TRIM23: variants seen among roughly 807,000 people sequenced by gnomAD.
TRIM23 encodes the protein tripartite motif containing 23, also known as E3 ubiquitin-protein ligase TRIM23.
TRIM23 carries 27 observed loss-of-function variants against 71.0 expected under a neutral mutation model. The observed-to-expected ratio is 0.38, with a 90% CI of 0.28 to 0.52. TRIM23 has a LOEUF of 0.52. Among genes scored for constraint, TRIM23 ranks in the 20% least tolerant of loss-of-function variants. TRIM23 has a pLI of 0.84. For synonymous variants in TRIM23, 234 were observed against 238.0 expected (o/e 0.98, Z 0.16); for missense variants, 482 against 692.3 (o/e 0.70, Z 3.41).
chr5:65,623,098 T>C lies in TRIM23; in HGVS notation c.81+1096A>G, dbSNP rs540333994. Among the ~76,000 whole-genome samples, 7 of 152,308 alleles carry C rather than the reference T, an allele frequency of 4.6e-5. No homozygotes were observed. In the East Asian group the frequency reaches 1.3e-3, roughly 29 times the overall value. ...TCATCTGAATCAACAACCACCAATA[T>C]TCACTGATACTAAATTGTGGGAAGA... On this transcript the variant is annotated intron_variant, in intron 1 of 10. Transcript: ENST00000231524.
At chr5:65,595,265 T>C (rs1460141840) in intron 9 of TRIM23, among the ~76,000 whole-genome samples, 1 of 151,476 alleles carries the variant, frequency 6.6e-6, no homozygotes, top group Non-Finnish European at 1.5e-5. Context: ...AATTAAAAAT[T>C]AGCTGAATGT....
At position 65,594,532 on chromosome 5, in the gene TRIM23, C is replaced by A; in HGVS notation, c.1534G>T (p.Ala512Ser). 6.2e-7 allele frequency: 1 copy of A among 1,606,454 alleles called. No homozygotes were observed. The highest frequency in any genetic ancestry group is 1.7e-5 in the Admixed American group (1 of 58,120). Reference protein sequence around the residue: ...ELRDALLLIFANKQDVAGALS... With the variant: ...ELRDALLLIFSNKQDVAGALS... ...TAAAAATGCATTACCTGTTTGTTAG[C>A]AAAAATCAGGAGCAGAGCATCTCGG... The change falls in exon 10 of 11, where the codon GCT becomes TCT. Residue 512 changes from alanine (A) to serine (S), a missense_variant. Coordinates refer to ENST00000231524, the MANE Select transcript of TRIM23 (RefSeq NM_001656.4).
chr5:65,621,129 G>A (rs192685494), intron 1 of TRIM23, among the ~76,000 whole-genome samples: 2 of 152,212 alleles, frequency 1.3e-5, no homozygotes, highest in Non-Finnish European at 2.9e-5. Context: ...AAGGCGGGCA[G>A]ATCACGAGGT....
chr5:65,614,037 G>T, intron 3 of TRIM23, 61 bp downstream of exon 3: 3 of 1,586,054 alleles, frequency 1.9e-6, no homozygotes, highest in Non-Finnish European at 2.6e-6. Context: ...TGCTAATAAT[G>T]GCATCTATTA....
In TRIM23 at chr5:65,611,880, C is replaced by T. The variant is rs1422882340; in HGVS notation, c.368G>A (p.Ser123Asn). Reference sequence around the variant, plus strand: ...TTCATCTTCATCACAACGAATGATGCTCTGATAAACAAAAAATTAATGCCT... The same window carrying T: ...TTCATCTTCATCACAACGAATGATGTTCTGATAAACAAAAAATTAATGCCT... ...AEESIGISGESIIRCDEDEAH... is the reference protein window; with the variant it reads ...AEESIGISGENIIRCDEDEAH... The change falls in exon 4 of 11, where the codon AGC becomes AAC. Residue 123 changes from serine (S) to asparagine (N), a missense_variant and splice_region_variant. Ser to Asn is a conservative substitution (Grantham distance 46). Transcript: ENST00000231524. The T allele has an allele frequency of 6.2e-7, 1 of 1,605,574 alleles. No homozygotes were observed. Among genetic ancestry groups the T allele is most frequent in the South Asian group, 1.1e-5 (1 of 90,714 alleles).
intron 4 of TRIM23, among the ~76,000 whole-genome samples, chr5:65,611,335 T>C (rs1417100246): frequency 6.6e-6 from 1 of 152,062 alleles, no homozygotes; most frequent in Non-Finnish European, 1.5e-5. Context: ...TGGTGCATTA[T>C]GAAAACATGC....
chr5:65,601,661 C>T (rs1331602249), intron 7 of TRIM23, among the ~76,000 whole-genome samples: 2 of 152,166 alleles, frequency 1.3e-5, no homozygotes, highest in Admixed American at 6.5e-5. Flanking sequence ...TTCTGCCCCT[C>T]GCCCCTCCAA....
At chr5:65,594,969 T>C (rs542479809) in intron 9 of TRIM23, among the ~76,000 whole-genome samples, 78 of 152,326 alleles carry the variant, frequency 5.1e-4, no homozygotes, top group African/African-American at 1.9e-3. Context: ...CCTCTACCTA[T>C]GGATGCTACT....
Position 65,594,518 on chromosome 5 carries a change from T to G in TRIM23, c.1545+3A>C, listed in dbSNP as rs1485218140. On this transcript the variant is annotated splice_donor_region_variant and intron_variant, in intron 10 of 10. Transcript: ENST00000231524. ...TAAATATTCCAATATAAAAATGCAT[T>G]ACCTGTTTGTTAGCAAAAATCAGGA... 6.2e-7 allele frequency: 1 copy of G among 1,600,168 alleles called. No homozygotes were observed. Among genetic ancestry groups the G allele is most frequent in the East Asian group, 2.2e-5 (1 of 44,764 alleles).
At chr5:65,592,455 G>A (rs1754069510) in intron 10 of TRIM23, among the ~76,000 whole-genome samples, 1 of 151,906 alleles carries the variant, frequency 6.6e-6, no homozygotes, top group African/African-American at 2.4e-5. Flanking sequence ...TCGAACTCCT[G>A]ACCTCAAGTG....
At chr5:65,619,715 TA>T (rs1754874524) in intron 1 of TRIM23, among the ~76,000 whole-genome samples, 1 of 152,134 alleles carries the variant, frequency 6.6e-6, no homozygotes, top group Admixed American at 6.5e-5. Context: ...ATAAGAAACA[TA>T]ACATTGTTCA....
At chr5:65,591,975 ATCAG>A in intron 10 of TRIM23, 27 bp from the exon 11 acceptor site, 1 of 1,561,066 alleles carries the variant, frequency 6.4e-7, no homozygotes, top group Non-Finnish European at 8.7e-7. Flanking sequence ...CATATTTTTT[ATCAG>A]TCCATCCAAA....
At chr5:65,599,893 G>C (rs2150625412) in intron 7 of TRIM23, among the ~76,000 whole-genome samples, 1 of 152,316 alleles carries the variant, frequency 6.6e-6, no homozygotes, top group South Asian at 2.1e-4. Context: ...AAATACCTGA[G>C]ACTGGGTAAT....
rs375182980 is a variant in TRIM23 at position 65,590,561 on chromosome 5, T to C, written c.*1208A>G. 9.5e-7 allele frequency: 1 copy of C among 1,049,384 alleles called. No homozygotes were observed. The highest frequency in any genetic ancestry group is 1.2e-6 in the Non-Finnish European group (1 of 856,324). 65.0% of individuals were successfully genotyped at this position (1,049,384 alleles called of 1,614,324 possible). On this transcript the variant is annotated 3_prime_UTR_variant, in exon 11 of 11. Transcript: ENST00000231524. ...TATCAGAACATTAAAAAAAAAAAAG[T>C]CTCAATGTACCTATTTAAATAAATC...
intron 7 of TRIM23, among the ~76,000 whole-genome samples, chr5:65,601,742 A>T (rs1471458057): frequency 2.0e-5 from 3 of 152,208 alleles, no homozygotes; most frequent in Admixed American, 6.5e-5. Flanking sequence ...ATCTAAGCAG[A>T]GGTTCCCAAA....
At chr5:65,614,578 T>C (rs152061) in intron 2 of TRIM23, among the ~76,000 whole-genome samples, 86,572 of 151,524 alleles carry the variant, frequency 0.57, 25,121 homozygotes, top group Non-Finnish European at 0.63. Context: ...CTACTAAAAA[T>C]ACAAAAATTA....
chr5:65,609,508 T>G, intron 5 of TRIM23, 50 bp from the exon 6 acceptor site: 3 of 1,538,656 alleles, frequency 1.9e-6, no homozygotes, highest in Non-Finnish European at 1.8e-6. Context: ...AATAAAGATT[T>G]TACCTGTGAA....
intron 1 of TRIM23, among the ~76,000 whole-genome samples, chr5:65,620,459 A>C (rs1001144166): frequency 6.6e-6 from 1 of 152,222 alleles, no homozygotes; most frequent in Admixed American, 6.5e-5. Flanking sequence ...AATACTATAA[A>C]ACTATATAGG....
chr5:65,608,298 A>G (rs1165116560), intron 6 of TRIM23, among the ~76,000 whole-genome samples: 2 of 152,172 alleles, frequency 1.3e-5, no homozygotes, highest in African/African-American at 4.8e-5. Context: ...TGAGGTCTGT[A>G]GAGTTCTAGC....
Sources: gnomAD v4.1 joint callset for allele counts (sites outside exome capture counted in the v4.1 genomes callset) on GRCh38, gnomAD v4.1.1 for gene constraint, MANE v1.5 for transcripts, NCBI Gene and HGNC (gene_info 2026-07-23, HGNC 2026-07-21) for gene names.